The following DDX10 variants were observed in gnomAD, a reference collection of about 807,000 sequenced individuals.
DDX10 encodes the protein probable ATP-dependent RNA helicase DDX10.
A neutral mutation model predicts 104.3 loss-of-function variants in DDX10; 74 were observed. The ratio of observed to expected loss-of-function variants is 0.71; its 90% confidence interval spans 0.59 to 0.86. DDX10 has a LOEUF of 0.86. DDX10 is among the 40% of genes least tolerant of loss of function. The pLI, the probability that DDX10 is intolerant of heterozygous loss-of-function variation, is 0.00. For synonymous variants in DDX10, 351 were observed against 353.4 expected (o/e 0.99, Z 0.08); for missense variants, 952 against 1,040.0 (o/e 0.92, Z 1.16).
intron 16 of DDX10, among the ~76,000 whole-genome samples, chr11:108,881,695 G>T (rs1474528037): frequency 6.6e-6 from 1 of 152,132 alleles, no homozygotes; most frequent in Non-Finnish European, 1.5e-5. Context: ...GCTAATGAAA[G>T]CATTCTGCAC....
At chr11:108,862,186 T>C (rs978225530) in intron 16 of DDX10, among the ~76,000 whole-genome samples, 2 of 152,140 alleles carry the variant, frequency 1.3e-5, no homozygotes, top group Admixed American at 6.5e-5. Flanking sequence ...ATCTGGCTAA[T>C]TTTCTATTTT....
Position 108,832,063 on chromosome 11 carries a change from C to A in DDX10, c.1966-6383C>A, listed in dbSNP as rs997681431. On this transcript the variant is annotated intron_variant, in intron 13 of 17. Coordinates refer to ENST00000322536, the MANE Select transcript of DDX10 (RefSeq NM_004398.4). ...TAATCTTTCATTGTATTTCTTAGGG[C>A]TGCTATAAATTTCATTCTTGTACCA... Among the ~76,000 whole-genome samples, 3 of 152,094 alleles carry A rather than the reference C, an allele frequency of 2.0e-5. No individual in the cohort carries two copies. The South Asian group carries it at 6.2e-4, about 32-fold the overall frequency.
intron 16 of DDX10, among the ~76,000 whole-genome samples, chr11:108,862,585 T>C (rs1430523436): frequency 6.6e-6 from 1 of 152,248 alleles, no homozygotes; most frequent in African/African-American, 2.4e-5. Flanking sequence ...CTCCTAAAAC[T>C]TACAAAACAA....
chr11:108,744,613 A>T (rs2094329173), intron 13 of DDX10, among the ~76,000 whole-genome samples: 1 of 152,192 alleles, frequency 6.6e-6, no homozygotes, highest in Admixed American at 6.5e-5. Flanking sequence ...AACCCTCAAT[A>T]GTTAACCAAG....
intron 6 of DDX10, among the ~76,000 whole-genome samples, chr11:108,684,044 T>C (rs2094239215): frequency 6.6e-6 from 1 of 151,848 alleles, no homozygotes. Flanking sequence ...CGCTAGTAGA[T>C]GCTTCAAGTT....
At chr11:108,715,123 C>G (rs954583147) in intron 10 of DDX10, among the ~76,000 whole-genome samples, 5 of 149,472 alleles carry the variant, frequency 3.3e-5, no homozygotes, top group Non-Finnish European at 5.9e-5. Flanking sequence ...TTATAGTATG[C>G]CTAATTTCTA....
At chr11:108,708,966 T>G (rs1401701201) in intron 10 of DDX10, among the ~76,000 whole-genome samples, 2 of 152,256 alleles carry the variant, frequency 1.3e-5, no homozygotes, top group East Asian at 1.9e-4. Flanking sequence ...TTGCTATGAT[T>G]GCTTATTAGT....
chr11:108,712,161 C>G (rs750843891), intron 10 of DDX10, among the ~76,000 whole-genome samples: 1 of 152,130 alleles, frequency 6.6e-6, no homozygotes, highest in African/African-American at 2.4e-5. Flanking sequence ...TATTTTTTAT[C>G]AAACCACTTT....
At chr11:108,814,606 C>G (rs764938592) in intron 13 of DDX10, among the ~76,000 whole-genome samples, 54 of 152,046 alleles carry the variant, frequency 3.6e-4, no homozygotes, top group South Asian at 4.1e-4. Flanking sequence ...CAGAGATTTC[C>G]TGCTTCATAC....
intron 16 of DDX10, among the ~76,000 whole-genome samples, chr11:108,913,457 A>G (rs1324756923): frequency 6.6e-6 from 1 of 152,178 alleles, no homozygotes; most frequent in Non-Finnish European, 1.5e-5. Context: ...AAGCAATCAG[A>G]TAAGCATTTG....
chr11:108,666,436 C>T (rs921393045), intron 1 of DDX10, among the ~76,000 whole-genome samples: 1 of 152,148 alleles, frequency 6.6e-6, no homozygotes, highest in Non-Finnish European at 1.5e-5. Flanking sequence ...GCCCAGATCG[C>T]ACCATTGCAC....
chr11:108,739,029 G>T (rs2094321750), intron 13 of DDX10, among the ~76,000 whole-genome samples: 1 of 152,134 alleles, frequency 6.6e-6, no homozygotes, highest in Non-Finnish European at 1.5e-5. Flanking sequence ...GCCCCTGAGG[G>T]AGAAGTTATC....
At chr11:108,919,803 G>A (rs1565319080) in intron 17 of DDX10, 1 of 152,184 alleles carries the variant, frequency 6.6e-6, no homozygotes, top group East Asian at 1.9e-4. Flanking sequence ...TCTGTGTACA[G>A]CAGGCATTTC....
intron 13 of DDX10, among the ~76,000 whole-genome samples, chr11:108,789,514 T>C (rs1437146974): frequency 6.6e-6 from 1 of 152,220 alleles, no homozygotes; most frequent in African/African-American, 2.4e-5. Context: ...TATCTGTCCA[T>C]ATTCAAAATT....
At chr11:108,878,665 A>G (rs1384357997) in intron 16 of DDX10, among the ~76,000 whole-genome samples, 2 of 152,142 alleles carry the variant, frequency 1.3e-5, no homozygotes, top group African/African-American at 4.8e-5. Context: ...GATTCTCTAT[A>G]TTAAAGACTT....
chr11:108,898,482 A>G (rs2134646182), intron 16 of DDX10, among the ~76,000 whole-genome samples: 1 of 152,204 alleles, frequency 6.6e-6, no homozygotes, highest in East Asian at 1.9e-4. Context: ...AAGGATGTAA[A>G]ATAAGATGAG....
Position 108,677,148 on chromosome 11 carries a change from T to C in DDX10, c.442T>C (p.Ser148Pro), listed in dbSNP as rs749364495. The change falls in exon 4 of 18, where the codon TCA (serine) becomes CCA (proline). Residue 148 changes from serine to proline, a missense_variant. This residue lies in a region of DDX10 where 412 missense variants were observed against 479.2 expected (regional missense o/e 0.86). Coordinates refer to ENST00000322536, the MANE Select transcript of DDX10 (RefSeq NM_004398.4). The part of the protein sequence containing the change: ...STDGLGVLII[S>P]PTRELAYQTF... Reference sequence around the variant, plus strand: ...AGATGGGCTGGGGGTTCTCATAATATCACCTACGAGAGAACTGGCCTATCA... The same window carrying C: ...AGATGGGCTGGGGGTTCTCATAATACCACCTACGAGAGAACTGGCCTATCA... 1 of 1,613,824 alleles carries C rather than the reference T, an allele frequency of 6.2e-7. No homozygotes were observed. Among genetic ancestry groups the C allele is most frequent in the Admixed American group, 1.7e-5 (1 of 59,992 alleles).
intron 13 of DDX10, among the ~76,000 whole-genome samples, chr11:108,796,238 T>C (rs755431923): frequency 7.2e-5 from 11 of 152,246 alleles, no homozygotes; most frequent in African/African-American, 2.7e-4. Context: ...AGAAAAGACA[T>C]CAGTTTTACT....
At chr11:108,926,345 A>C (rs1357259407) in intron 17 of DDX10, among the ~76,000 whole-genome samples, 1 of 152,190 alleles carries the variant, frequency 6.6e-6, no homozygotes, top group East Asian at 1.9e-4. Flanking sequence ...AGTGGGGCCA[A>C]AAACTTTTTG....
Sources: gnomAD v4.1 joint callset for allele counts (sites outside exome capture counted in the v4.1 genomes callset) on GRCh38, gnomAD v4.1.1 for gene constraint, gnomAD v4.1.1 regional missense constraint, MANE v1.5 for transcripts, NCBI Gene and HGNC (gene_info 2026-07-23, HGNC 2026-07-21) for gene names.